The following WDR76 variants were observed in gnomAD, a reference collection of about 807,000 sequenced individuals.
WDR76 encodes WD repeat-containing protein 76.
Under a neutral mutation model 70.2 loss-of-function variants are expected in WDR76, and 52 were observed. That is an observed-to-expected ratio of 0.74 (90% CI 0.59 to 0.93). The LOEUF is 0.93. WDR76 is among the 40% of genes least tolerant of loss of function. WDR76 has a pLI of 0.00. For synonymous variants in WDR76, 292 were observed against 271.1 expected (o/e 1.08, Z -0.76); for missense variants, 756 against 760.2 (o/e 0.99, Z 0.07).
intron 8 of WDR76, 124 bp from the exon 9 acceptor site, chr15:43,850,963 T>G (rs2087850112): frequency 3.1e-6 from 4 of 1,272,394 alleles, no homozygotes; most frequent in Non-Finnish European, 4.3e-6. Flanking sequence ...GTGGTTACAA[T>G]TATAGACTAA....
Position 43,862,024 on chromosome 15 carries a change from G to A in WDR76, c.1616+638G>A, listed in dbSNP as rs946215369. Among the ~76,000 whole-genome samples the A allele has an allele frequency of 2.0e-5, 3 of 151,544 alleles. No individual in the cohort carries two copies. The South Asian group carries it at 6.2e-4, about 32-fold the overall frequency. ...GCTAATTTTTTGTATCTTTAGTAGC[G>A]ACGGGGTTTCATCATGTTGGTCAGG... On this transcript the variant is annotated intron_variant, in intron 12 of 12. Transcript: ENST00000263795.
At chr15:43,833,798 G>A (rs911262449) in intron 2 of WDR76, among the ~76,000 whole-genome samples, 2 of 151,582 alleles carry the variant, frequency 1.3e-5, no homozygotes, top group East Asian at 1.9e-4. Flanking sequence ...CACCACACCC[G>A]GCTAATTTTT....
intron 8 of WDR76, among the ~76,000 whole-genome samples, chr15:43,845,062 C>T (rs2087772109): frequency 6.9e-6 from 1 of 144,256 alleles, no homozygotes; most frequent in African/African-American, 2.5e-5. Flanking sequence ...CTCAGGTTCA[C>T]GCCATTCTCT....
At chr15:43,831,601 G>T (rs1298771895) in intron 2 of WDR76, among the ~76,000 whole-genome samples, 1 of 152,012 alleles carries the variant, frequency 6.6e-6, no homozygotes, top group Admixed American at 6.6e-5. Flanking sequence ...ACCATGCCTA[G>T]CTAATTTTTT....
Position 43,858,741 on chromosome 15 carries a change from C to T in WDR76, c.1480C>T (p.His494Tyr), listed in dbSNP as rs754539691. Residue 494 changes from histidine to tyrosine, a missense_variant, in exon 11 of 13, where the codon CAT becomes TAT. Physicochemically the swap from His to Tyr is moderately conservative, Grantham distance 83. Coordinates refer to ENST00000263795, the MANE Select transcript of WDR76 (RefSeq NM_024908.4). Reference protein sequence around the residue: ...RSQPLISLTEHTKSIASAYFS... With the variant: ...RSQPLISLTEYTKSIASAYFS... ...TCAGCCTTTGATTTCTTTGACTGAA[C>T]ATACAAAGAGCATTGCTTCCGCCTA... is the stretch of plus-strand genomic sequence containing the variant. 6.2e-7 allele frequency: 1 copy of T among 1,614,162 alleles called. No individual in the cohort carries two copies. The highest frequency in any genetic ancestry group is 1.1e-5 in the South Asian group (1 of 91,084).
rs1447340064 is a variant in WDR76 at position 43,828,342 on chromosome 15, T to G, written c.438T>G (p.Ser146Arg). The change falls in exon 2 of 13, where the codon AGT (serine) becomes AGG (arginine). Residue 146 changes from serine (S) to arginine (R), a missense_variant. Physicochemically the swap from Ser to Arg is moderately radical, Grantham distance 110. Transcript: ENST00000263795. ...TGGAAAGTAGTCAGGATGGAGACAG[T>G]GATGAAGATACCACACCATCCCTGG... ...VDVESSQDGD[S>R]DEDTTPSLDF... 1 of 1,612,256 alleles carries G rather than the reference T, an allele frequency of 6.2e-7. No individual in the cohort carries two copies. The highest frequency in any genetic ancestry group is 8.5e-7 in the Non-Finnish European group (1 of 1,179,260).
intron 8 of WDR76, among the ~76,000 whole-genome samples, chr15:43,847,231 TC>T (rs2087800162): frequency 6.6e-6 from 1 of 152,018 alleles, no homozygotes; most frequent in Non-Finnish European, 1.5e-5. Flanking sequence ...TATCATAAAA[TC>T]CTATTTAAAA....
At chr15:43,834,126 T>A (rs1287887860) in intron 2 of WDR76, among the ~76,000 whole-genome samples, 1 of 152,118 alleles carries the variant, frequency 6.6e-6, no homozygotes, top group Non-Finnish European at 1.5e-5. Context: ...TCTTATTTTT[T>A]GAATTTTCTT....
chr15:43,840,160 A>G (rs2087707137), intron 5 of WDR76, among the ~76,000 whole-genome samples: 1 of 152,054 alleles, frequency 6.6e-6, no homozygotes, highest in Admixed American at 6.6e-5. Context: ...TGCCCGGCCC[A>G]TTTGTACGCT....
intron 12 of WDR76, among the ~76,000 whole-genome samples, chr15:43,861,832 A>ATTTTTTT (rs898404641): frequency 5.7e-5 from 6 of 104,758 alleles, no homozygotes; most frequent in Admixed American, 1.0e-4. Flanking sequence ...GTATTTGTGT[A>ATTTTTTT]TTTTTTTTTT....
At chr15:43,843,153 A>G (rs1170233243) in intron 7 of WDR76, among the ~76,000 whole-genome samples, 2 of 151,042 alleles carry the variant, frequency 1.3e-5, no homozygotes, top group Non-Finnish European at 2.9e-5. Context: ...CCTCCCAAGT[A>G]GCTTGGACTA....
Position 43,858,719 on chromosome 15 carries a change from G to A in WDR76, c.1458G>A (p.Gln486=), listed in dbSNP as rs776729342. 3 of 1,614,044 alleles carry A rather than the reference G, an allele frequency of 1.9e-6. No individual in the cohort carries two copies. Among genetic ancestry groups the A allele is most frequent in the Non-Finnish European group, 2.5e-6 (3 of 1,180,030 alleles). The change falls in exon 11 of 13, where the codon CAG becomes CAA. Residue 486 remains glutamine (Q), a synonymous_variant. Transcript: ENST00000263795. The part of the protein sequence containing the change: ...DARRLNSRRS[Q]PLISLTEHTK... ...GGCGATTGAATTCCAGGAGAAGTCA[G>A]CCTTTGATTTCTTTGACTGAACATA...
chr15:43,860,282 G>A (rs1427026847), intron 11 of WDR76, among the ~76,000 whole-genome samples: 2 of 152,178 alleles, frequency 1.3e-5, no homozygotes, highest in Non-Finnish European at 2.9e-5. Flanking sequence ...TTTGTTGCTG[G>A]TTGGTCTTAG....
At chr15:43,857,403 G>A in intron 10 of WDR76, 1 of 933,208 alleles carries the variant, frequency 1.1e-6, no homozygotes, top group South Asian at 4.9e-5. Context: ...TGTTTTCCTT[G>A]GCATTATATG....
In WDR76 at chr15:43,828,371, G is replaced by T. The variant is rs747468676; in HGVS notation, c.462+5G>T. 28 of 1,581,172 alleles carry T rather than the reference G, an allele frequency of 1.8e-5. No individual in the cohort carries two copies. The highest frequency in any genetic ancestry group is 1.7e-6 in the Non-Finnish European group (2 of 1,167,122). Reference sequence around the variant, plus strand: ...GAAGATACCACACCATCCCTGGTAAGAACTTAATTAGTAGCTTGTTCTGGT... The same window carrying T: ...GAAGATACCACACCATCCCTGGTAATAACTTAATTAGTAGCTTGTTCTGGT... On this transcript the variant is annotated splice_donor_5th_base_variant and intron_variant, in intron 2 of 12. Coordinates refer to ENST00000263795, the MANE Select transcript of WDR76 (RefSeq NM_024908.4).
Position 43,866,612 on chromosome 15 carries a change from G to T in WDR76, c.*220G>T. 1 of 444,438 alleles carries T rather than the reference G, an allele frequency of 2.3e-6. No homozygotes were observed. Among genetic ancestry groups the T allele is most frequent in the Non-Finnish European group, 3.9e-6 (1 of 256,826 alleles). 27.5% of individuals were successfully genotyped at this position (444,438 alleles called of 1,614,324 possible). On this transcript the variant is annotated 3_prime_UTR_variant, in exon 13 of 13. Coordinates refer to ENST00000263795, the MANE Select transcript of WDR76 (RefSeq NM_024908.4). ...AGGGAATTTGAGGGGAGGCTGAGGT[G>T]CCGTCAGGACTTTTTTTTTTTTTTT... is the stretch of plus-strand genomic sequence containing the variant.
At chr15:43,856,578 G>C (rs2087929320) in intron 9 of WDR76, among the ~76,000 whole-genome samples, 2 of 146,362 alleles carry the variant, frequency 1.4e-5, no homozygotes, top group Non-Finnish European at 3.0e-5. Flanking sequence ...CAGTGCCTTT[G>C]TTTCTTTTTT....
chr15:43,843,013 C>CT (rs370773260), intron 7 of WDR76, among the ~76,000 whole-genome samples: 3,171 of 119,914 alleles, frequency 0.026, 36 homozygotes, highest in East Asian at 0.039. Flanking sequence ...TTTTCTTTTT[C>CT]TTTTTTTTTT....
At chr15:43,858,488 C>T (rs1049359217) in intron 10 of WDR76, 183 bp from the exon 11 acceptor site, 6 of 617,328 alleles carry the variant, frequency 9.7e-6, no homozygotes, top group African/African-American at 5.7e-5. Flanking sequence ...TCAGATGATC[C>T]ACCTGCCTCC....
Sources: gnomAD v4.1 joint callset for allele counts (sites outside exome capture counted in the v4.1 genomes callset) on GRCh38, gnomAD v4.1.1 for gene constraint, MANE v1.5 for transcripts, NCBI Gene and HGNC (gene_info 2026-07-23, HGNC 2026-07-21) for gene names.